ZNF596: variants seen among roughly 807,000 people sequenced by gnomAD.
ZNF596 encodes the protein zinc finger protein 596.
ZNF596 carries 45 observed loss-of-function variants against 48.3 expected under a neutral mutation model. The observed-to-expected ratio is 0.93, with a 90% confidence interval of 0.73 to 1.19. The LOEUF (loss-of-function observed/expected upper bound fraction) is 1.19, where lower values mean the gene tolerates loss of function less well. ZNF596 is among the 50% of genes most tolerant of loss of function. ZNF596 has a pLI of 0.00. For missense variants in ZNF596, 848 were observed against 599.7 expected, an observed-to-expected ratio of 1.41 and a Z score of -4.32; for synonymous variants, 270 against 202.0, an observed-to-expected ratio of 1.34 and a Z score of -2.85.
intron 1 of ZNF596, chr8:234,647 G>A (rs914942678): frequency 6.6e-6 from 1 of 152,196 alleles, no homozygotes; most frequent in Non-Finnish European, 1.5e-5. Context: ...CTTAAGTGTT[G>A]TTTTTAGGAT....
chr8:246,077 G>A lies in ZNF596; in HGVS notation c.1230G>A (p.Glu410=). The A allele has an allele frequency of 1.9e-6, 3 of 1,613,900 alleles. No individual in the cohort carries two copies. Among genetic ancestry groups the A allele is most frequent in the Non-Finnish European group, 2.5e-6 (3 of 1,179,840 alleles). Residue 410 remains glutamate, a synonymous_variant, in exon 6 of 6, where the codon GAG becomes GAA. Coordinates refer to ENST00000398612, the MANE Select transcript of ZNF596 (RefSeq NM_001042416.3). Reference sequence around the variant, plus strand: ...AATCTTCTGACCTCAGACGACATGAGAGAACTCACACTGGAGAAAAACCAT... The same window carrying A: ...AATCTTCTGACCTCAGACGACATGAAAGAACTCACACTGGAGAAAAACCAT... ...FTESSDLRRH[E]RTHTGEKPYE...
At chr8:238,807 TAAAA>T (rs569539153) in intron 1 of ZNF596, among the ~76,000 whole-genome samples, 1 of 151,400 alleles carries the variant, frequency 6.6e-6, no homozygotes, top group African/African-American at 2.4e-5. Flanking sequence ...AACTCCGCTT[TAAAA>T]AAAAGAAAAA....
rs1796763921 is a variant in ZNF596, at chr8:239,571, T to C, written c.-72-1253T>C. ...CCAGGAAAACAGTTTACTTAGCTGA[T>C]TTATTACAAAGGACATTTTAAATAT... On this transcript the variant is annotated intron_variant, in intron 1 of 5. Transcript: ENST00000398612. Among the ~76,000 whole-genome samples, 3 of 152,182 alleles carry C rather than the reference T, an allele frequency of 2.0e-5. No individual in the cohort carries two copies. In the South Asian group the frequency reaches 6.2e-4, roughly 32 times the overall value.
intron 1 of ZNF596, among the ~76,000 whole-genome samples, chr8:233,930 G>A (rs550224297): frequency 3.6e-4 from 55 of 152,200 alleles, no homozygotes; most frequent in Non-Finnish European, 6.8e-4. Context: ...TGCCATTCCT[G>A]TGAAGCTGGT....
chr8:246,282 CTA>C lies in ZNF596; in HGVS notation c.1437_1438del (p.Cys480TrpfsTer5). 2 of 1,611,066 alleles carry C rather than the reference CTA, an allele frequency of 1.2e-6. No homozygotes were observed. The highest frequency in any genetic ancestry group is 2.2e-5 in the East Asian group (1 of 44,764). On this transcript the variant is annotated frameshift_variant, in exon 6 of 6. Coordinates refer to ENST00000398612, the MANE Select transcript of ZNF596 (RefSeq NM_001042416.3). LOFTEE classifies it high-confidence loss of function. ...TGGAGAGAAACCATATGTATGTCCTCTATGTGGGAAAGCCTTTAGTAAATTTT... is the reference window on the plus strand; with the variant it reads ...TGGAGAGAAACCATATGTATGTCCTCTGTGGGAAAGCCTTTAGTAAATTTT... ...HTGEKPYVCP[L>X]CGKAFSKFFN...
intron 3 of ZNF596, 72 bp downstream of exon 3, chr8:243,085 CT>C: frequency 7.0e-7 from 1 of 1,438,332 alleles, no homozygotes. Context: ...CTGATTCATT[CT>C]TTCATTCTAC....
intron 1 of ZNF596, 26 bp from the exon 2 acceptor site, chr8:240,784 GTGTCATGGTTTTTT>G: frequency 1.5e-6 from 2 of 1,347,320 alleles, no homozygotes. Flanking sequence ...CAAAACTGGA[GTGTCATGGTTTTTT>G]TGTTTTTGTT....
chr8:243,245 C>T (rs1452360140), intron 3 of ZNF596: 1 of 374,894 alleles, frequency 2.7e-6, no homozygotes, highest in African/African-American at 2.1e-5. Context: ...ACCACAGTTT[C>T]ACATCCTTCT....
intron 1 of ZNF596, chr8:236,993 A>G (rs1004625503): frequency 1.3e-5 from 2 of 152,336 alleles, no homozygotes. Context: ...CACATGTAAG[A>G]ACTCTCACAA....
chr8:243,732 C>T lies in ZNF596; in HGVS notation c.150C>T (p.Leu50=). 2 of 1,613,602 alleles carry T rather than the reference C, an allele frequency of 1.2e-6. No homozygotes were observed. Among genetic ancestry groups the T allele is most frequent in the African/African-American group, 2.7e-5 (2 of 75,024 alleles). Residue 50 remains leucine, a synonymous_variant, in exon 4 of 6, where the codon CTC becomes CTT. Transcript: ENST00000398612. ...ISHLVSIGKQ[L]CKSVVLSQLE... ...TTTTCCCCAAAACAGGCAAACAGCT[C>T]TGCAAATCAGTTGTGCTTTCCCAAT...
chr8:243,635 C>A, intron 3 of ZNF596, 87 bp from the exon 4 acceptor site: 1 of 1,338,374 alleles, frequency 7.5e-7, no homozygotes, highest in Non-Finnish European at 1.1e-6. Context: ...CTAACTTATC[C>A]TTCCCAGTAG....
intron 1 of ZNF596, among the ~76,000 whole-genome samples, chr8:235,462 T>C (rs1796581047): frequency 6.6e-6 from 1 of 152,164 alleles, no homozygotes; most frequent in Admixed American, 6.5e-5. Flanking sequence ...TAACCAGAAC[T>C]TGATACTGTA....
Position 246,346 on chromosome 8 carries a change from A to G in ZNF596, c.1499A>G (p.Lys500Arg), listed in dbSNP as rs767878054. Residue 500 changes from lysine (K) to arginine (R), a missense_variant, in exon 6 of 6, where the codon AAA (lysine) becomes AGA (arginine). Physicochemically the swap from Lys to Arg is conservative, Grantham distance 26. Coordinates refer to ENST00000398612, the MANE Select transcript of ZNF596 (RefSeq NM_001042416.3). ...LRQHERTHTK[K>R]AMNM ...CAACATGAGAGAACTCACACTAAAA[A>G]AGCAATGAATATGTAAGAATCATCA... 126 of 1,587,458 alleles carry G rather than the reference A, an allele frequency of 7.9e-5. No homozygotes were observed. Among genetic ancestry groups the G allele is most frequent in the Admixed American group, 1.1e-4 (6 of 54,002 alleles).
At chr8:232,432 T>G, upstream of ZNF596, 2 of 240,676 alleles carry the variant, frequency 8.3e-6, no homozygotes, top group South Asian at 4.8e-5. Flanking sequence ...GCCCTCCGCT[T>G]TTTGTGGCCA....
rs1042989565 is a variant in ZNF596, at chr8:247,303, A to C, written c.*941A>C. The C allele has an allele frequency of 1.1e-3, 172 of 152,238 alleles. No individual in the cohort carries two copies. Among genetic ancestry groups the C allele is most frequent in the African/African-American group, 4.0e-3 (166 of 41,474 alleles). The allele number at this position is 152,238 out of a possible 1,614,324, so 9.4% of individuals were successfully genotyped here. ...GGGAATATTGAATGCAGAATTATGT[A>C]AGAAGTAATAAGATTAAATTAGTAC... is the stretch of plus-strand genomic sequence containing the variant. On this transcript the variant is annotated 3_prime_UTR_variant, in exon 6 of 6. Transcript: ENST00000398612.
In ZNF596 at chr8:232,648, C is replaced by A. The variant is rs1158950603; in HGVS notation, c.-119C>A. 5.4e-6 allele frequency: 2 copies of A among 370,912 alleles called. No homozygotes were observed. The highest frequency in any genetic ancestry group is 4.3e-5 in the African/African-American group (2 of 46,124). The allele number at this position is 370,912 out of a possible 1,614,324, so 23.0% of individuals were successfully genotyped here. ...AGGTCGCCCCTGTCCGGCCCTTCCA[C>A]CCTAGTTCTCTTCACCGTCCGCCCA... is the stretch of plus-strand genomic sequence containing the variant. On this transcript the variant is annotated 5_prime_UTR_variant, in exon 1 of 6. Coordinates refer to ENST00000398612, the MANE Select transcript of ZNF596 (RefSeq NM_001042416.3).
At chr8:232,969 T>C in intron 1 of ZNF596, 1 of 468,572 alleles carries the variant, frequency 2.1e-6, no homozygotes, top group South Asian at 1.5e-5. Context: ...GACTGTTGGG[T>C]GTTTACCTTC....
Position 242,475 on chromosome 8 carries a change from T to C in ZNF596, c.13-412T>C, listed in dbSNP as rs1348960056. 2.0e-5 allele frequency among the ~76,000 whole-genome samples: 3 copies of C among 148,608 alleles called. No individual in the cohort carries two copies. In the East Asian group the frequency reaches 5.8e-4, roughly 29 times the overall value. ...GACACTGAGGTCCTATAGTGGAATA[T>C]CTAACTATAGTCTTGATTAAAACGT... On this transcript the variant is annotated intron_variant, in intron 2 of 5. Transcript: ENST00000398612.
chr8:239,666 G>C (rs1796767968), intron 1 of ZNF596, among the ~76,000 whole-genome samples: 1 of 152,222 alleles, frequency 6.6e-6, no homozygotes, highest in African/African-American at 2.4e-5. Flanking sequence ...TAGGAGGTCT[G>C]TCTCCAAGCA....
Sources: allele counts gnomAD v4.1 joint callset (sites outside exome capture counted in the v4.1 genomes callset), GRCh38; gene constraint gnomAD v4.1.1; transcripts MANE v1.5; gene names NCBI Gene and HGNC (gene_info 2026-07-23, HGNC 2026-07-21).